DLG2: variants seen among roughly 807,000 people sequenced by gnomAD.
The protein encoded by DLG2 is disks large homolog 2.
Under a neutral mutation model 132.5 loss-of-function variants are expected in DLG2, and 45 were observed. The ratio of observed to expected loss-of-function variants is 0.34; its 90% CI spans 0.27 to 0.44. DLG2 has a LOEUF of 0.44. Among genes scored for constraint, DLG2 ranks in the 20% least tolerant of loss-of-function variants. The pLI is 1.00. For synonymous variants in DLG2, 424 were observed against 419.6 expected (o/e 1.01, Z -0.13); for missense variants, 1,045 against 1,196.9 (o/e 0.87, Z 1.87).
chr11:84,226,350 T>C (rs1005682860), intron 8 of DLG2, among the ~76,000 whole-genome samples: 2 of 152,218 alleles, frequency 1.3e-5, no homozygotes, highest in Non-Finnish European at 2.9e-5. Flanking sequence ...CCAGCATGTC[T>C]AACCACTCAG....
intron 3 of DLG2, among the ~76,000 whole-genome samples, chr11:85,515,701 G>A (rs914372172): frequency 6.6e-6 from 1 of 151,940 alleles, no homozygotes; most frequent in South Asian, 2.1e-4. Context: ...GGCAACACTG[G>A]TTTTGTTTTT....
At chr11:84,448,776 G>A (rs1213835118) in intron 7 of DLG2, among the ~76,000 whole-genome samples, 4 of 151,862 alleles carry the variant, frequency 2.6e-5, no homozygotes, top group Admixed American at 6.6e-5. Flanking sequence ...CCCTCCGAAC[G>A]CCTATGAAAC....
intron 9 of DLG2, among the ~76,000 whole-genome samples, chr11:84,136,168 GTAACTTACT>G (rs1388588860): frequency 3.3e-5 from 5 of 152,074 alleles, no homozygotes; most frequent in African/African-American, 1.2e-4. Flanking sequence ...TAAATATTGA[GTAACTTACT>G]TAACTTACTA....
At chr11:84,562,933 A>G (rs1043820214) in intron 6 of DLG2, among the ~76,000 whole-genome samples, 1 of 151,912 alleles carries the variant, frequency 6.6e-6, no homozygotes, top group African/African-American at 2.4e-5. Context: ...TTTATTTTTC[A>G]TAGACATGGG....
rs2091461531 is a variant in DLG2 at position 85,436,041 on chromosome 11, A to T, written c.41-150676T>A. 2.6e-5 allele frequency among the ~76,000 whole-genome samples: 4 copies of T among 151,734 alleles called. No homozygotes were observed. In the South Asian group the frequency reaches 8.3e-4, roughly 32 times the overall value. On this transcript the variant is annotated intron_variant, in intron 3 of 27. Transcript: ENST00000376104. ...CAACCAACTGATCTTCAACAAACCT[A>T]AAAAAAACAAAAAATGAGTAAAGGA...
chr11:83,517,282 C>T (rs1204603747), intron 21 of DLG2, among the ~76,000 whole-genome samples: 1 of 152,180 alleles, frequency 6.6e-6, no homozygotes, highest in African/African-American at 2.4e-5. Context: ...GATCTTCCAT[C>T]ACTGATACCC....
At chr11:85,215,340 T>C (rs185750625) in intron 4 of DLG2, among the ~76,000 whole-genome samples, 164 of 152,330 alleles carry the variant, frequency 1.1e-3, no homozygotes, top group Non-Finnish European at 1.9e-3. Flanking sequence ...GTTTGCTGAA[T>C]CCTGTGAAAA....
rs190217069 is a variant in DLG2, at chr11:83,813,293, G to A, written c.1722+20321C>T. Among the ~76,000 whole-genome samples the A allele has an allele frequency of 2.0e-4, 31 of 152,248 alleles. No individual in the cohort carries two copies. The East Asian group carries it at 5.0e-3, about 25-fold the overall frequency. On this transcript the variant is annotated intron_variant, in intron 17 of 27. Transcript: ENST00000376104. ...GCAAGTCCATTTGAGGACCAGCCTC[G>A]TGCCGTATCAGAGGAAGACAATTTC...
chr11:84,886,180 G>T (rs1433296557), intron 6 of DLG2, among the ~76,000 whole-genome samples: 1 of 152,128 alleles, frequency 6.6e-6, no homozygotes, highest in Non-Finnish European at 1.5e-5. Context: ...GCTAGGTTTA[G>T]TTGCTAGAGT....
intron 3 of DLG2, among the ~76,000 whole-genome samples, chr11:85,337,108 G>A (rs181681764): frequency 1.5e-3 from 223 of 152,290 alleles, no homozygotes; most frequent in African/African-American, 5.0e-3. Flanking sequence ...AAATCATTCC[G>A]AAAGGCTAGG....
At chr11:84,005,353 C>T (rs184774761) in intron 11 of DLG2, among the ~76,000 whole-genome samples, 1 of 151,870 alleles carries the variant, frequency 6.6e-6, no homozygotes, top group East Asian at 1.9e-4. Flanking sequence ...CAACTCAAGA[C>T]AGATTAAAGC....
At chr11:83,921,015 T>C (rs2077780103) in intron 15 of DLG2, among the ~76,000 whole-genome samples, 1 of 152,174 alleles carries the variant, frequency 6.6e-6, no homozygotes, top group South Asian at 2.1e-4. Context: ...TCAATATTTA[T>C]TAAGCACATT....
chr11:85,179,285 A>G (rs897392583), intron 4 of DLG2, among the ~76,000 whole-genome samples: 7 of 151,860 alleles, frequency 4.6e-5, no homozygotes, highest in African/African-American at 1.4e-4. Flanking sequence ...TAATTTAACA[A>G]TAAATATCCT....
rs939215212 is a variant in DLG2, at chr11:85,587,650, C to T, written c.40+11007G>A. 2.6e-5 allele frequency among the ~76,000 whole-genome samples: 4 copies of T among 152,076 alleles called. No individual in the cohort carries two copies. In the East Asian group the frequency reaches 5.8e-4, roughly 22 times the overall value. The stretch of plus-strand genomic sequence containing the variant: ...GGTGGGTGGATTTTTATCCATGCTG[C>T]CATTCTGTATTTTTTAAGTGAGCAT... On this transcript the variant is annotated intron_variant, in intron 3 of 27. Coordinates refer to ENST00000376104, the MANE Select transcript of DLG2 (RefSeq NM_001142699.3).
chr11:84,437,618 G>T (rs1052901097), intron 7 of DLG2: 2 of 152,354 alleles, frequency 1.3e-5, no homozygotes, highest in Non-Finnish European at 2.9e-5. Context: ...GAGAGGGTGG[G>T]AGGAGGGAGG....
chr11:85,076,192 T>G (rs919112068), intron 6 of DLG2, among the ~76,000 whole-genome samples: 2 of 151,970 alleles, frequency 1.3e-5, no homozygotes, highest in African/African-American at 4.8e-5. Context: ...TTATCAGTCT[T>G]GCAAGAGTTT....
chr11:84,447,311 A>T (rs1463498963), intron 7 of DLG2, among the ~76,000 whole-genome samples: 1 of 152,192 alleles, frequency 6.6e-6, no homozygotes, highest in African/African-American at 2.4e-5. Context: ...CCTGAGTGCA[A>T]TAAAAATACT....
At chr11:84,585,967 A>G (rs2099528714) in intron 6 of DLG2, among the ~76,000 whole-genome samples, 1 of 152,208 alleles carries the variant, frequency 6.6e-6, no homozygotes, top group Admixed American at 6.5e-5. Flanking sequence ...GCCGGGCAAC[A>G]TGGTGAAACC....
chr11:84,169,596 T>C (rs1393860210), intron 8 of DLG2, among the ~76,000 whole-genome samples: 1 of 152,124 alleles, frequency 6.6e-6, no homozygotes, highest in Non-Finnish European at 1.5e-5. Flanking sequence ...ATTTTGGCCA[T>C]GCGTGGTGGC....
Sources: allele counts gnomAD v4.1 joint callset (sites outside exome capture counted in the v4.1 genomes callset), GRCh38; gene constraint gnomAD v4.1.1; transcripts MANE v1.5; gene names NCBI Gene and HGNC (gene_info 2026-07-23, HGNC 2026-07-21).